The following GRAMD2B variants were observed in gnomAD, a reference collection of about 807,000 sequenced individuals.
GRAMD2B encodes the protein GRAM domain containing 2B.
In GRAMD2B, 41 loss-of-function variants were observed where a neutral mutation model predicts 59.2. That is an observed-to-expected ratio of 0.69 (90% confidence interval 0.54 to 0.90). The LOEUF is 0.90. GRAMD2B is among the 40% of genes least tolerant of loss of function. The pLI is 0.00. For synonymous variants in GRAMD2B, 161 were observed against 182.7 expected, an observed-to-expected ratio of 0.88 and a Z score of 0.96; for missense variants, 424 against 500.5, an observed-to-expected ratio of 0.85 and a Z score of 1.46.
At chr5:126,400,592 T>A (rs536820862) in intron 1 of GRAMD2B, among the ~76,000 whole-genome samples, 12 of 152,184 alleles carry the variant, frequency 7.9e-5, no homozygotes, top group Non-Finnish European at 1.5e-4. Flanking sequence ...CTAATTAGCA[T>A]CTTTCATTCA....
At chr5:126,405,057 C>G (rs73783657) in intron 1 of GRAMD2B, among the ~76,000 whole-genome samples, 3,641 of 151,794 alleles carry the variant, frequency 0.024, 151 homozygotes, top group African/African-American at 0.082. Flanking sequence ...AACCCAGGTT[C>G]CAGAGGCTGC....
At chr5:126,413,667 C>T (rs77688061) in intron 1 of GRAMD2B, among the ~76,000 whole-genome samples, 2 of 152,076 alleles carry the variant, frequency 1.3e-5, no homozygotes, top group East Asian at 3.9e-4. Context: ...TAGTTTTCTG[C>T]CTTGATGATC....
chr5:126,418,881 G>A (rs1476983925), upstream of GRAMD2B, among the ~76,000 whole-genome samples: 2 of 152,106 alleles, frequency 1.3e-5, no homozygotes. Flanking sequence ...ATTGAAAACA[G>A]GAATGGTCTG....
intron 1 of GRAMD2B, among the ~76,000 whole-genome samples, chr5:126,398,565 T>C (rs922761388): frequency 6.6e-6 from 1 of 152,262 alleles, no homozygotes; most frequent in Non-Finnish European, 1.5e-5. Flanking sequence ...AACCAACTCT[T>C]AGTTTCATTG....
intron 1 of GRAMD2B, among the ~76,000 whole-genome samples, chr5:126,412,133 C>A (rs2149759236): frequency 6.6e-6 from 1 of 152,134 alleles, no homozygotes; most frequent in East Asian, 1.9e-4. Flanking sequence ...CTGACGAGGA[C>A]TTCCAGAACT....
chr5:126,381,757 T>G lies in GRAMD2B; in HGVS notation c.125+10190T>G, dbSNP rs1045527870. On this transcript the variant is annotated intron_variant, in intron 1 of 8. Transcript: ENST00000506445. ...TATTTGTTGCCTGAATACCTTGGGGTTTTTTTTCATTGTGTTATTGTTTTA... is the reference window on the plus strand; with the variant it reads ...TATTTGTTGCCTGAATACCTTGGGGGTTTTTTTCATTGTGTTATTGTTTTA... Among the ~76,000 whole-genome samples, 3 of 151,922 alleles carry G rather than the reference T, an allele frequency of 2.0e-5. No homozygotes were observed. In the South Asian group the frequency reaches 6.2e-4, roughly 32 times the overall value.
At chr5:126,461,781 C>CA in intron 1 of GRAMD2B, among the ~76,000 whole-genome samples, 1 of 152,128 alleles carries the variant, frequency 6.6e-6, no homozygotes, top group Non-Finnish European at 1.5e-5. Flanking sequence ...GCCTGGGTGA[C>CA]AAGAGTGAAA....
Position 126,494,259 on chromosome 5 carries a change from TA to T in GRAMD2B, c.*1304del, listed in dbSNP as rs1460612383. The T allele has an allele frequency of 1.3e-5, 2 of 152,016 alleles. No homozygotes were observed. The highest frequency in any genetic ancestry group is 4.8e-5 in the African/African-American group (2 of 41,292). The allele number at this position is 152,016 out of a possible 1,614,324, so 9.4% of individuals were successfully genotyped here. On this transcript the variant is annotated 3_prime_UTR_variant, in exon 14 of 14. Transcript: ENST00000285689. ...CCATCTACTACTACCAACTCACTTA[TA>T]CTTCCTTCCTCCCAAGTAATCATTT...
In GRAMD2B at chr5:126,430,803, T is replaced by C. The variant is rs78558319; in HGVS notation, c.83+7114T>C. 2.4e-4 allele frequency among the ~76,000 whole-genome samples: 36 copies of C among 152,328 alleles called. 1 individual carries two copies. In the East Asian group the frequency reaches 6.0e-3, roughly 25 times the overall value. On this transcript the variant is annotated intron_variant, in intron 1 of 13. Transcript: ENST00000285689. ...TGTAACAATAAACATCTGTTGAATGTTGACTAAGTGACATTCATACTTAAG... is the reference window on the plus strand; with the variant it reads ...TGTAACAATAAACATCTGTTGAATGCTGACTAAGTGACATTCATACTTAAG...
intron 4 of GRAMD2B, among the ~76,000 whole-genome samples, chr5:126,472,775 C>G (rs565102517): frequency 6.6e-6 from 1 of 152,296 alleles, no homozygotes; most frequent in Non-Finnish European, 1.5e-5. Flanking sequence ...AGTGGTTCAT[C>G]AAGGGGCCCA....
At chr5:126,465,114 C>A in intron 1 of GRAMD2B, 8 of 1,203,566 alleles carry the variant, frequency 6.6e-6, no homozygotes, top group Non-Finnish European at 8.3e-6. Flanking sequence ...GCGCTCCCAG[C>A]CTCCAGGTGA....
chr5:126,371,161 G>A (rs1437301291), upstream of GRAMD2B, among the ~76,000 whole-genome samples: 1 of 152,198 alleles, frequency 6.6e-6, no homozygotes, highest in Non-Finnish European at 1.5e-5. Flanking sequence ...TTCAGATTCA[G>A]TGGTGTTCAT....
At chr5:126,392,792 G>A (rs1299671877) in intron 1 of GRAMD2B, among the ~76,000 whole-genome samples, 1 of 152,126 alleles carries the variant, frequency 6.6e-6, no homozygotes, top group Non-Finnish European at 1.5e-5. Context: ...GCATTAGTTA[G>A]ATTCTCATAA....
At chr5:126,395,205 G>C (rs1405018310) in intron 1 of GRAMD2B, among the ~76,000 whole-genome samples, 1 of 152,164 alleles carries the variant, frequency 6.6e-6, no homozygotes, top group Non-Finnish European at 1.5e-5. Flanking sequence ...TTAAAATACA[G>C]TTAATATCTA....
chr5:126,367,202 A>G (rs1244407087), upstream of GRAMD2B, among the ~76,000 whole-genome samples: 1 of 152,228 alleles, frequency 6.6e-6, no homozygotes, highest in Non-Finnish European at 1.5e-5. Context: ...ATGTGCTTAG[A>G]GTATACAAGC....
At chr5:126,422,479 G>A (rs1489865228), upstream of GRAMD2B, among the ~76,000 whole-genome samples, 1 of 152,172 alleles carries the variant, frequency 6.6e-6, no homozygotes. Flanking sequence ...GATTACAGGC[G>A]TAAGCCACCG....
intron 1 of GRAMD2B, chr5:126,360,465 T>C: frequency 1.9e-6 from 3 of 1,550,010 alleles, no homozygotes; most frequent in Non-Finnish European, 2.6e-6. Context: ...GAACTGTAAG[T>C]GACAGGTCTC....
At chr5:126,434,580 C>T (rs1055958588) in intron 1 of GRAMD2B, among the ~76,000 whole-genome samples, 3 of 151,750 alleles carry the variant, frequency 2.0e-5, no homozygotes, top group Non-Finnish European at 4.4e-5. Context: ...TGCAGTGGTG[C>T]GATCTTGGCT....
chr5:126,371,582 G>C, intron 1 of GRAMD2B: 1 of 1,279,890 alleles, frequency 7.8e-7, no homozygotes, highest in South Asian at 1.3e-5. Context: ...GTACAGCCTG[G>C]GCCTGGCCAT....
Sources: gnomAD v4.1 joint callset for allele counts (sites outside exome capture counted in the v4.1 genomes callset) on GRCh38, gnomAD v4.1.1 for gene constraint, MANE v1.5 for transcripts, NCBI Gene and HGNC (gene_info 2026-07-23, HGNC 2026-07-21) for gene names.